Variants in PCDH7 observed in about 807,000 individuals in gnomAD.
PCDH7 encodes protocadherin-7.
Under a neutral mutation model 58.9 loss-of-function variants are expected in PCDH7, and 17 were observed. The observed-to-expected ratio is 0.29, with a 90% CI of 0.20 to 0.43. The LOEUF (loss-of-function observed/expected upper bound fraction) is 0.43, where lower values mean the gene tolerates loss of function less well. Among genes scored for constraint, PCDH7 ranks in the 20% least tolerant of loss-of-function variants. The pLI is 1.00. For missense variants in PCDH7, 1,274 were observed against 1,441.0 expected, an observed-to-expected ratio of 0.88 and a Z score of 1.88; for synonymous variants, 664 against 616.4, an observed-to-expected ratio of 1.08 and a Z score of -1.14.
At chr4:30,999,727 T>G (rs1752201630) in intron 3 of PCDH7, among the ~76,000 whole-genome samples, 1 of 152,150 alleles carries the variant, frequency 6.6e-6, no homozygotes, top group Admixed American at 6.5e-5. Flanking sequence ...TGATGCTAAT[T>G]AAAAGTAAAT....
intron 2 of PCDH7, among the ~76,000 whole-genome samples, chr4:30,929,651 A>T (rs1744315313): frequency 6.6e-6 from 1 of 152,102 alleles, no homozygotes; most frequent in Non-Finnish European, 1.5e-5. Context: ...ATAGGATAGT[A>T]TCCAGCTATT....
chr4:30,743,979 C>T (rs1717424515), intron 1 of PCDH7, among the ~76,000 whole-genome samples: 1 of 152,116 alleles, frequency 6.6e-6, no homozygotes, highest in Non-Finnish European at 1.5e-5. Context: ...TGGCAATCTT[C>T]CTGAAAGACA....
At chr4:30,786,081 C>T (rs1723355947) in intron 1 of PCDH7, among the ~76,000 whole-genome samples, 1 of 151,954 alleles carries the variant, frequency 6.6e-6, no homozygotes, top group African/African-American at 2.4e-5. Context: ...TTTTATTTTT[C>T]CAAACTAGAA....
intron 3 of PCDH7, among the ~76,000 whole-genome samples, chr4:31,089,823 C>T (rs999972360): frequency 2.0e-5 from 3 of 152,014 alleles, no homozygotes; most frequent in South Asian, 2.1e-4. Flanking sequence ...CGAAGTATTA[C>T]GACAAGGAAA....
intron 3 of PCDH7, among the ~76,000 whole-genome samples, chr4:31,031,007 T>G (rs921057740): frequency 6.6e-6 from 1 of 152,136 alleles, no homozygotes; most frequent in Non-Finnish European, 1.5e-5. Flanking sequence ...CAGTTTCCTT[T>G]CTAGTGATGT....
At chr4:31,083,261 T>A (rs908166524) in intron 3 of PCDH7, among the ~76,000 whole-genome samples, 1 of 152,050 alleles carries the variant, frequency 6.6e-6, no homozygotes, top group Non-Finnish European at 1.5e-5. Flanking sequence ...TGAAATAAAA[T>A]TTTTTTAAAG....
chr4:30,924,352 G>A (rs1743572307), intron 2 of PCDH7, among the ~76,000 whole-genome samples: 1 of 152,000 alleles, frequency 6.6e-6, no homozygotes, highest in Non-Finnish European at 1.5e-5. Flanking sequence ...AATCTTACTC[G>A]GTTCCAGGTC....
chr4:30,908,979 A>T (rs571913646), intron 1 of PCDH7, among the ~76,000 whole-genome samples: 5 of 152,180 alleles, frequency 3.3e-5, no homozygotes, highest in Non-Finnish European at 7.3e-5. Flanking sequence ...AAGCTTATGT[A>T]CCACGATCAA....
chr4:31,093,053 C>T (rs1713466172), intron 3 of PCDH7, among the ~76,000 whole-genome samples: 1 of 152,002 alleles, frequency 6.6e-6, no homozygotes, highest in Non-Finnish European at 1.5e-5. Flanking sequence ...CATCTATCCA[C>T]CAATGAATAA....
At chr4:30,970,420 C>T (rs201132955) in intron 3 of PCDH7, among the ~76,000 whole-genome samples, 4 of 152,042 alleles carry the variant, frequency 2.6e-5, no homozygotes, top group Non-Finnish European at 2.9e-5. Flanking sequence ...TCAGCCTCCC[C>T]AGTAGCTGGG....
downstream of PCDH7, among the ~76,000 whole-genome samples, chr4:30,733,342 C>T (rs1715782184): frequency 6.6e-6 from 1 of 152,122 alleles, no homozygotes; most frequent in South Asian, 2.1e-4. Context: ...CTTTATCTAT[C>T]AGTACCGGTC....
In PCDH7 at chr4:30,722,481, G is replaced by A. The variant is rs1367809457; in HGVS notation, c.1059G>A (p.Ser353=). 5 of 1,609,412 alleles carry A rather than the reference G, an allele frequency of 3.1e-6. No homozygotes were observed. The highest frequency in any genetic ancestry group is 4.5e-5 in the East Asian group (2 of 44,792). Residue 353 remains serine (S), a synonymous_variant, in exon 1 of 2, where the codon TCG becomes TCA. Transcript: ENST00000361762. The surrounding 1 kb of genome is among the most constrained non-coding windows in gnomAD (Gnocchi z 7.6). ...ACGTGTTCGGGGCGGCCACCGAGTCGGTGAGGCGGCTGCTGCGCCTTGACG... is the reference window on the plus strand; with the variant it reads ...ACGTGTTCGGGGCGGCCACCGAGTCAGTGAGGCGGCTGCTGCGCCTTGACG...
Position 30,722,510 on chromosome 4 carries a change from C to T in PCDH7, c.1088C>T (p.Thr363Met), listed in dbSNP as rs1355679466. Residue 363 changes from threonine to methionine, a missense_variant, in exon 1 of 2, where the codon ACG becomes ATG. By Grantham distance (81) the Thr-to-Met change is moderately conservative (BLOSUM62 -1). Around this residue, in one of 3 missense-constraint regions of PCDH7, gnomAD observed 331 missense variants for 303.2 expected, o/e 1.09. Transcript: ENST00000361762. This position sits in a 1 kb window ranked among gnomAD's most constrained non-coding sequence, Gnocchi z 7.6. ...AGGCGGCTGCTGCGCCTTGACGAGA[C>T]GTCCGGCTGGCTCAGCGTCCTGCAC... 1 of 1,610,054 alleles carries T rather than the reference C, an allele frequency of 6.2e-7. No homozygotes were observed. The highest frequency in any genetic ancestry group is 1.1e-5 in the South Asian group (1 of 90,868).
intron 1 of PCDH7, among the ~76,000 whole-genome samples, chr4:30,817,908 T>A (rs925234718): frequency 1.3e-5 from 2 of 152,098 alleles, no homozygotes; most frequent in African/African-American, 4.8e-5. Context: ...CCTCCAGAGA[T>A]TTTTTTCATC....
intron 3 of PCDH7, among the ~76,000 whole-genome samples, chr4:31,120,431 C>CTTTTTTTTTTTTTTTTTTTTTTTTTTT (rs1483312437): frequency 1.1e-5 from 1 of 87,666 alleles, no homozygotes; most frequent in African/African-American, 4.8e-5. Context: ...GTTTTTCTTT[C>CTTTTTTTTTTTTTTTTTTTTTTTTTTT]TATTTTTTTC....
intron 1 of PCDH7, chr4:30,884,798 T>A (rs1023866233): frequency 4.0e-5 from 6 of 151,896 alleles, no homozygotes; most frequent in African/African-American, 1.2e-4. Context: ...ATTGAGGGGG[T>A]TGGCTAAACT....
At chr4:31,032,845 T>A (rs1208014832) in intron 3 of PCDH7, among the ~76,000 whole-genome samples, 1 of 152,218 alleles carries the variant, frequency 6.6e-6, no homozygotes, top group African/African-American at 2.4e-5. Flanking sequence ...AATTTTGTCA[T>A]GAAATGATGT....
intron 1 of PCDH7, among the ~76,000 whole-genome samples, chr4:30,836,853 C>T (rs1035369835): frequency 7.9e-5 from 12 of 152,152 alleles, no homozygotes; most frequent in Non-Finnish European, 1.8e-4. Flanking sequence ...CCTGGAATGA[C>T]TGTCAGAGTA....
At chr4:30,731,024 T>A (rs1412089876) in exon 2 of PCDH7, 2 of 1,203,822 alleles carry the variant, frequency 1.7e-6, no homozygotes, top group Non-Finnish European at 2.1e-6. Context: ...GATGTCTGAG[T>A]CACCAGAAAT....
Sources: allele counts gnomAD v4.1 joint callset (sites outside exome capture counted in the v4.1 genomes callset), GRCh38; gene constraint gnomAD v4.1.1; regional missense constraint gnomAD v4.1.1; non-coding constraint Gnocchi (gnomAD v3.1); transcripts MANE v1.5; gene names NCBI Gene and HGNC (gene_info 2026-07-23, HGNC 2026-07-21).